TRPM7: variants seen among roughly 807,000 people sequenced by gnomAD.
TRPM7 encodes the protein transient receptor potential cation channel subfamily M member 7, also known as LTRPC ion channel family member 7.
In TRPM7, 134 loss-of-function variants were observed where a neutral mutation model predicts 229.7. The ratio of observed to expected loss-of-function variants is 0.58; its 90% CI spans 0.51 to 0.67. The LOEUF (loss-of-function observed/expected upper bound fraction) is 0.67. Among genes scored for constraint, TRPM7 ranks in the 30% least tolerant of loss-of-function variants. The pLI, the probability that TRPM7 is intolerant of heterozygous loss-of-function variation, is 0.00. For missense variants in TRPM7, 1,901 were observed against 2,210.0 expected (o/e 0.86, Z 2.80); for synonymous variants, 699 against 715.2 (o/e 0.98, Z 0.36).
chr15:50,583,194 C>A (rs775718611), intron 28 of TRPM7, 35 bp from the exon 29 acceptor site: 14 of 1,510,830 alleles, frequency 9.3e-6, no homozygotes, highest in Non-Finnish European at 1.3e-5. Flanking sequence ...AAAAGCTACA[C>A]AACTGAAGTT....
intron 38 of TRPM7, among the ~76,000 whole-genome samples, chr15:50,563,900 CCCAGGCTGAAGTGCAGTGG>C (rs2053443984): frequency 6.6e-6 from 1 of 151,924 alleles, no homozygotes; most frequent in African/African-American, 2.4e-5. Flanking sequence ...CTTGTTGTTG[CCCAGGCTGAAGTGCAGTGG>C]CACGATCTCG....
At chr15:50,563,452 T>C (rs926779759) in intron 38 of TRPM7, among the ~76,000 whole-genome samples, 7 of 152,158 alleles carry the variant, frequency 4.6e-5, no homozygotes, top group African/African-American at 1.4e-4. Flanking sequence ...TGTGAGAGGA[T>C]GGGTGGCAGC....
chr15:50,650,124 C>G (rs553446646), intron 3 of TRPM7, among the ~76,000 whole-genome samples: 1 of 134,494 alleles, frequency 7.4e-6, no homozygotes, highest in Non-Finnish European at 1.5e-5. Flanking sequence ...ACCTGGGAGG[C>G]GCAGACCACA....
chr15:50,682,438 C>T (rs542292772), intron 1 of TRPM7, among the ~76,000 whole-genome samples: 5 of 151,772 alleles, frequency 3.3e-5, no homozygotes, highest in South Asian at 4.2e-4. Flanking sequence ...ATTAGATGGG[C>T]GTTGTGGTGT....
intron 30 of TRPM7, among the ~76,000 whole-genome samples, chr15:50,579,841 G>A (rs2054316468): frequency 6.6e-6 from 1 of 152,050 alleles, no homozygotes. Context: ...TGTTGCCCAG[G>A]CTGGAGTGAA....
Position 50,558,741 on chromosome 15 carries a change from A to T in TRPM7, c.*2937T>A, listed in dbSNP as rs2053209203. 6.6e-6 allele frequency: 1 copy of T among 151,906 alleles called. No individual in the cohort carries two copies. Among genetic ancestry groups the T allele is most frequent in the South Asian group, 2.1e-4 (1 of 4,814 alleles). 9.4% of individuals were successfully genotyped at this position (151,906 alleles called of 1,614,324 possible). On this transcript the variant is annotated 3_prime_UTR_variant, in exon 39 of 39. Transcript: ENST00000646667. ...TGAAAAATAAAAAAATATATATATA[A>T]AATTAGGTACGTGTGGTGGTGCATG...
At chr15:50,672,221 T>C (rs1236247369) in intron 1 of TRPM7, among the ~76,000 whole-genome samples, 1 of 152,064 alleles carries the variant, frequency 6.6e-6, no homozygotes, top group Non-Finnish European at 1.5e-5. Context: ...ACCCAGCTAA[T>C]TTTTTGTATT....
At chr15:50,674,170 G>A (rs937971503) in intron 1 of TRPM7, among the ~76,000 whole-genome samples, 8 of 152,266 alleles carry the variant, frequency 5.3e-5, no homozygotes, top group African/African-American at 1.9e-4. Flanking sequence ...TGTATTTTTA[G>A]TAGAGATGGG....
At position 50,669,133 on chromosome 15, in the gene TRPM7, C is replaced by A. The variant is rs572422151; in HGVS notation, c.4-6087G>T. ...AAAGGTATTTGAGGGTACAAACCCACAGCTGAGGTCAGGCGCAGTGGCTCA... is the reference window on the plus strand; with the variant it reads ...AAAGGTATTTGAGGGTACAAACCCAAAGCTGAGGTCAGGCGCAGTGGCTCA... On this transcript the variant is annotated intron_variant, in intron 1 of 38. Coordinates refer to ENST00000646667, the MANE Select transcript of TRPM7 (RefSeq NM_017672.6). Among the ~76,000 whole-genome samples, 6 of 152,244 alleles carry A rather than the reference C, an allele frequency of 3.9e-5. No individual in the cohort carries two copies. The South Asian group carries it at 1.2e-3, about 32-fold the overall frequency.
Position 50,594,445 on chromosome 15 carries a change from C to G in TRPM7, c.3459G>C (p.Lys1153Asn), listed in dbSNP as rs146098171. ...TTTACTTACTTGGTCCATCGGAAGT[C>G]TTATCTTTCTTTCTTCTCTTACATA... ...CCICKRRKKDKTSDGPKLFLT... is the reference protein window; with the variant it reads ...CCICKRRKKDNTSDGPKLFLT... The change falls in exon 24 of 39, where the codon AAG becomes AAC. Residue 1153 changes from lysine to asparagine, a missense_variant. Physicochemically the swap from Lys to Asn is moderately conservative, Grantham distance 94. Coordinates refer to ENST00000646667, the MANE Select transcript of TRPM7 (RefSeq NM_017672.6). 1 of 1,610,616 alleles carries G rather than the reference C, an allele frequency of 6.2e-7. No individual in the cohort carries two copies. The highest frequency in any genetic ancestry group is 8.5e-7 in the Non-Finnish European group (1 of 1,179,012).
At position 50,639,507 on chromosome 15, in the gene TRPM7, A is replaced by G. The variant is rs774446814; in HGVS notation, c.577T>C (p.Ser193Pro). Residue 193 changes from serine (S) to proline (P), a missense_variant, in exon 6 of 39, where the codon TCC becomes CCC. By Grantham distance (74) the Ser-to-Pro change is moderately conservative. Coordinates refer to ENST00000646667, the MANE Select transcript of TRPM7 (RefSeq NM_017672.6). ...HVGDALKEHA[S>P]RSSRKICTIG... The stretch of plus-strand genomic sequence containing the variant: ...GTGCAAATCTTTCGAGATGATCTGG[A>G]AGCATGTTCTTTGAGGGCATCTCCA... 77 of 1,611,762 alleles carry G rather than the reference A, an allele frequency of 4.8e-5. No homozygotes were observed. Among genetic ancestry groups the G allele is most frequent in the Non-Finnish European group, 6.4e-5 (76 of 1,178,412 alleles).
At position 50,631,441 on chromosome 15, in the gene TRPM7, C is replaced by A; in HGVS notation, c.1180G>T (p.Ala394Ser). 6.2e-7 allele frequency: 1 copy of A among 1,609,792 alleles called. No individual in the cohort carries two copies. Among genetic ancestry groups the A allele is most frequent in the Admixed American group, 1.7e-5 (1 of 59,686 alleles). Residue 394 changes from alanine to serine, a missense_variant, in exon 10 of 39, where the codon GCA becomes TCA. This residue lies in a region of TRPM7 where 794 missense variants were observed against 881.9 expected (regional missense o/e 0.90). Coordinates refer to ENST00000646667, the MANE Select transcript of TRPM7 (RefSeq NM_017672.6). ...CCTTTTAGCAGTGCAGTAAGTATTGCTACATCTATATCTTGATGTTCATCT... is the reference window on the plus strand; with the variant it reads ...CCTTTTAGCAGTGCAGTAAGTATTGATACATCTATATCTTGATGTTCATCT... ...GSDEHQDIDV[A>S]ILTALLKGTN...
At chr15:50,640,646 T>C (rs1313800128) in intron 5 of TRPM7, among the ~76,000 whole-genome samples, 3 of 152,028 alleles carry the variant, frequency 2.0e-5, no homozygotes, top group Non-Finnish European at 4.4e-5. Context: ...AAAATATGAC[T>C]GCAGTTGGAG....
intron 1 of TRPM7, among the ~76,000 whole-genome samples, chr15:50,684,199 C>T (rs1015173114): frequency 3.3e-5 from 5 of 151,398 alleles, no homozygotes; most frequent in African/African-American, 9.7e-5. Context: ...GTCACCCAGG[C>T]TGTAGTGCAG....
intron 3 of TRPM7, among the ~76,000 whole-genome samples, chr15:50,657,150 C>A (rs1048943885): frequency 6.6e-6 from 1 of 152,048 alleles, no homozygotes; most frequent in Non-Finnish European, 1.5e-5. Flanking sequence ...ATGGTGAAAC[C>A]CCATTTCTAC....
intron 1 of TRPM7, among the ~76,000 whole-genome samples, chr15:50,667,649 G>C (rs955692626): frequency 6.6e-6 from 1 of 152,244 alleles, no homozygotes; most frequent in Non-Finnish European, 1.5e-5. Flanking sequence ...GGAGGTAACA[G>C]TGAGCCAAGA....
intron 11 of TRPM7, among the ~76,000 whole-genome samples, chr15:50,625,165 TA>T (rs1478643770): frequency 1.3e-5 from 2 of 152,246 alleles, no homozygotes; most frequent in African/African-American, 4.8e-5. Flanking sequence ...ATAGTCTGTA[TA>T]TTTTTTAATA....
At chr15:50,636,652 G>C (rs2060916178) in intron 7 of TRPM7, among the ~76,000 whole-genome samples, 1 of 152,116 alleles carries the variant, frequency 6.6e-6, no homozygotes, top group Admixed American at 6.6e-5. Context: ...TGTTGAACCA[G>C]AAAATTCAGA....
At chr15:50,585,052 T>TTG (rs1416632193) in intron 28 of TRPM7, among the ~76,000 whole-genome samples, 3 of 130,342 alleles carry the variant, frequency 2.3e-5, no homozygotes, top group African/African-American at 9.8e-5. Flanking sequence ...ATTTTTGTAT[T>TTG]TTTTTTTTTT....
Sources: gnomAD v4.1 joint callset for allele counts (sites outside exome capture counted in the v4.1 genomes callset) on GRCh38, gnomAD v4.1.1 for gene constraint, gnomAD v4.1.1 regional missense constraint, MANE v1.5 for transcripts, NCBI Gene and HGNC (gene_info 2026-07-23, HGNC 2026-07-21) for gene names.